ZBTB20: variants seen among roughly 807,000 people sequenced by gnomAD.
ZBTB20 encodes the protein zinc finger and BTB domain containing 20.
In ZBTB20, 9 loss-of-function variants were observed where a neutral mutation model predicts 56.9. The observed-to-expected ratio is 0.16, with a 90% CI of 0.10 to 0.28. The LOEUF (loss-of-function observed/expected upper bound fraction) is 0.28, where lower values mean the gene tolerates loss of function less well. ZBTB20 is among the 10% of genes least tolerant of loss of function. ZBTB20 has a pLI of 1.00. For missense variants in ZBTB20, 655 were observed against 1,003.0 expected (o/e 0.65, Z 4.69); for synonymous variants, 417 against 420.7 (o/e 0.99, Z 0.11).
chr3:114,806,018 G>T (rs1050756691), intron 4 of ZBTB20, among the ~76,000 whole-genome samples: 1 of 151,802 alleles, frequency 6.6e-6, no homozygotes, highest in Admixed American at 6.6e-5. Context: ...CATCTGAATT[G>T]TTTCCAGTTT....
At chr3:114,473,890 C>A (rs2040433956) in intron 7 of ZBTB20, among the ~76,000 whole-genome samples, 1 of 152,104 alleles carries the variant, frequency 6.6e-6, no homozygotes, top group Non-Finnish European at 1.5e-5. Context: ...TGTATGAGTC[C>A]ATTTGCACAC....
At chr3:114,493,220 T>C (rs1433560744) in intron 7 of ZBTB20, among the ~76,000 whole-genome samples, 1 of 152,256 alleles carries the variant, frequency 6.6e-6, no homozygotes, top group African/African-American at 2.4e-5. Context: ...TTCTGCTTAG[T>C]GCTGAGAGGT....
At chr3:114,710,029 C>T (rs548785106) in intron 5 of ZBTB20, among the ~76,000 whole-genome samples, 5 of 152,244 alleles carry the variant, frequency 3.3e-5, no homozygotes, top group Non-Finnish European at 1.5e-5. Context: ...TTTTCCTACA[C>T]ATTAAACTAC....
intron 6 of ZBTB20, among the ~76,000 whole-genome samples, chr3:114,530,344 T>C (rs2047702913): frequency 6.6e-6 from 1 of 152,210 alleles, no homozygotes; most frequent in African/African-American, 2.4e-5. Flanking sequence ...TACCATTCTG[T>C]TATAATTACT....
At chr3:114,367,676 CA>C (rs2082559749) in intron 10 of ZBTB20, among the ~76,000 whole-genome samples, 1 of 152,142 alleles carries the variant, frequency 6.6e-6, no homozygotes. Flanking sequence ...ACCAAGAAGA[CA>C]ACATTCAGAG....
intron 4 of ZBTB20, among the ~76,000 whole-genome samples, chr3:114,858,925 A>G (rs1262522633): frequency 6.6e-6 from 1 of 152,168 alleles, no homozygotes; most frequent in Admixed American, 6.5e-5. Flanking sequence ...TATTGCAGGT[A>G]TTTGAAGTAT....
intron 2 of ZBTB20, among the ~76,000 whole-genome samples, chr3:115,019,222 G>A (rs2080105011): frequency 6.6e-6 from 1 of 151,150 alleles, no homozygotes; most frequent in African/African-American, 2.4e-5. Flanking sequence ...TCTTGACAGA[G>A]AAAAAATTTT....
intron 6 of ZBTB20, among the ~76,000 whole-genome samples, chr3:114,636,508 G>A (rs932147247): frequency 4.9e-4 from 74 of 152,110 alleles, no homozygotes; most frequent in African/African-American, 1.4e-3. Context: ...ATAAAAAGAC[G>A]TAAATTGTGA....
intron 2 of ZBTB20, among the ~76,000 whole-genome samples, chr3:115,050,359 G>A (rs2081498598): frequency 6.6e-6 from 1 of 151,644 alleles, no homozygotes; most frequent in African/African-American, 2.4e-5. Flanking sequence ...CATATCTAAA[G>A]CTCCCTTCAA....
At chr3:114,942,149 A>AT (rs2076741064) in intron 3 of ZBTB20, among the ~76,000 whole-genome samples, 1 of 145,754 alleles carries the variant, frequency 6.9e-6, no homozygotes, top group South Asian at 2.1e-4. Context: ...TTAATAAATA[A>AT]TTTCGTTATA....
In ZBTB20 at chr3:114,536,385, A is replaced by G. The variant is rs548593095; in HGVS notation, c.-294-35994T>C. 5.3e-5 allele frequency among the ~76,000 whole-genome samples: 8 copies of G among 152,330 alleles called. No individual in the cohort carries two copies. In the South Asian group the frequency reaches 1.0e-3, roughly 20 times the overall value. On this transcript the variant is annotated intron_variant, in intron 6 of 11. Transcript: ENST00000675478. ...CCAAATCATGAGTGAACTTCCATTCATAATTGCCATAAAGAGAATAAAATA... is the reference window on the plus strand; with the variant it reads ...CCAAATCATGAGTGAACTTCCATTCGTAATTGCCATAAAGAGAATAAAATA...
intron 6 of ZBTB20, among the ~76,000 whole-genome samples, chr3:114,625,197 T>C (rs768250314): frequency 2.3e-4 from 35 of 151,734 alleles, no homozygotes; most frequent in East Asian, 7.7e-4. Context: ...GGGGTGAAGA[T>C]TGTAGGACTG....
chr3:114,371,925 CAA>C (rs1164378740), intron 10 of ZBTB20, among the ~76,000 whole-genome samples: 25 of 118,986 alleles, frequency 2.1e-4, no homozygotes, highest in Non-Finnish European at 2.8e-4. Context: ...AAAAAGAAAG[CAA>C]AAAAAAAAAA....
chr3:115,076,753 GAAGAA>G (rs1560551729), intron 1 of ZBTB20, among the ~76,000 whole-genome samples: 1 of 152,160 alleles, frequency 6.6e-6, no homozygotes, highest in African/African-American at 2.4e-5. Flanking sequence ...CTATGGAATA[GAAGAA>G]AATATCTACA....
chr3:114,716,121 C>G (rs148707404), intron 5 of ZBTB20, among the ~76,000 whole-genome samples: 94 of 152,190 alleles, frequency 6.2e-4, no homozygotes, highest in African/African-American at 2.1e-3. Context: ...TCCATTCCCC[C>G]CTTTTTAAGG....
chr3:114,330,114 C>A lies in ZBTB20; in HGVS notation c.*8891G>T, dbSNP rs2079198515. ...ACAAGATCACTTTGAATATGAACCT[C>A]TTTGTATTAGTCACACCAACAAAAA... On this transcript the variant is annotated 3_prime_UTR_variant, in exon 12 of 12. Transcript: ENST00000675478. The A allele has an allele frequency of 6.6e-6, 1 of 152,196 alleles. No individual in the cohort carries two copies. The highest frequency in any genetic ancestry group is 2.4e-5 in the African/African-American group (1 of 41,446). 9.4% of individuals were successfully genotyped at this position (152,196 alleles called of 1,614,324 possible). A position where few individuals can be genotyped will look rare whatever the true frequency, so the allele number is the denominator to read the frequency against.
intron 3 of ZBTB20, among the ~76,000 whole-genome samples, chr3:114,909,259 A>G (rs1284051048): frequency 6.6e-6 from 1 of 152,036 alleles, no homozygotes; most frequent in African/African-American, 2.4e-5. Flanking sequence ...AGTTTTTAGC[A>G]AAGTTTAAAA....
At chr3:115,112,818 T>C (rs1316465750) in intron 1 of ZBTB20, among the ~76,000 whole-genome samples, 3 of 152,242 alleles carry the variant, frequency 2.0e-5, no homozygotes, top group Admixed American at 6.5e-5. Context: ...GGATACTCAA[T>C]AGAGAGATTG....
intron 5 of ZBTB20, among the ~76,000 whole-genome samples, chr3:114,747,066 G>C (rs1251655093): frequency 6.6e-6 from 1 of 152,070 alleles, no homozygotes; most frequent in African/African-American, 2.4e-5. Context: ...TTACTACCTA[G>C]GTAATGCTTA....
Sources: gnomAD v4.1 joint callset for allele counts (sites outside exome capture counted in the v4.1 genomes callset) on GRCh38, gnomAD v4.1.1 for gene constraint, MANE v1.5 for transcripts, NCBI Gene and HGNC (gene_info 2026-07-23, HGNC 2026-07-21) for gene names.